The following VWA8 variants were observed in gnomAD, a reference collection of about 807,000 sequenced individuals.
VWA8 encodes the protein von Willebrand factor A domain containing 8.
Under a neutral mutation model 241.5 loss-of-function variants are expected in VWA8, and 221 were observed. The ratio of observed to expected loss-of-function variants is 0.91; its 90% CI spans 0.82 to 1.02. The LOEUF (loss-of-function observed/expected upper bound fraction) is 1.02, where lower values mean the gene tolerates loss of function less well. VWA8 is among the 50% of genes least tolerant of loss of function. The probability of loss-of-function intolerance (pLI) is 0.00; values close to 1 mark genes in which losing one functional copy is unlikely to be tolerated. For missense variants in VWA8, 2,322 were observed against 2,328.7 expected, an observed-to-expected ratio of 1.00 and a Z score of 0.06; for synonymous variants, 852 against 827.1, an observed-to-expected ratio of 1.03 and a Z score of -0.52.
At chr13:41,893,278 G>A (rs925055262) in intron 4 of VWA8, among the ~76,000 whole-genome samples, 1 of 152,066 alleles carries the variant, frequency 6.6e-6, no homozygotes, top group African/African-American at 2.4e-5. Flanking sequence ...CTGTATAGTA[G>A]AGCTTAGTTT....
At chr13:41,908,919 G>A (rs1017621958) in intron 3 of VWA8, among the ~76,000 whole-genome samples, 1 of 152,160 alleles carries the variant, frequency 6.6e-6, no homozygotes, top group African/African-American at 2.4e-5. Flanking sequence ...AAGGGATACT[G>A]CCATACAAGG....
In VWA8 at chr13:41,716,007, C is replaced by T. The variant is rs142851149; in HGVS notation, c.3116+3584G>A. Among the ~76,000 whole-genome samples the T allele has an allele frequency of 1.9e-3, 289 of 152,056 alleles. 11 individuals are homozygous for T. The East Asian group carries it at 0.045, about 24-fold the overall frequency. On this transcript the variant is annotated intron_variant, in intron 26 of 44. Transcript: ENST00000379310. ...TCATATTTTTAAAAATACTTTCTCC[C>T]GTATACTTCCTTATTTGGTTATGTT...
At chr13:41,775,481 T>A (rs9532921) in intron 20 of VWA8, among the ~76,000 whole-genome samples, 12,770 of 152,228 alleles carry the variant, frequency 0.084, 551 homozygotes, top group Middle Eastern at 0.11. Context: ...AATGAAAGTT[T>A]GTGCCAACCC....
At chr13:41,602,888 C>A (rs2044530333) in intron 40 of VWA8, among the ~76,000 whole-genome samples, 1 of 152,194 alleles carries the variant, frequency 6.6e-6, no homozygotes, top group South Asian at 2.1e-4. Flanking sequence ...TATTATAATG[C>A]TGGTATTGTT....
chr13:41,898,079 T>C lies in VWA8; in HGVS notation c.484-6492A>G, dbSNP rs189610697. Among the ~76,000 whole-genome samples, 66 of 152,206 alleles carry C rather than the reference T, an allele frequency of 4.3e-4. 1 individual carries two copies. The highest frequency in any genetic ancestry group is 2.3e-3 in the Admixed American group (35 of 15,296). On this transcript the variant is annotated intron_variant, in intron 4 of 44. Coordinates refer to ENST00000379310, the MANE Select transcript of VWA8 (RefSeq NM_015058.2). Reference sequence around the variant, plus strand: ...AGAATAGCTAGATACAGAGTGTCGATTGGTGCATTCACAAACCCTGAGCTA... The same window carrying C: ...AGAATAGCTAGATACAGAGTGTCGACTGGTGCATTCACAAACCCTGAGCTA...
intron 21 of VWA8, among the ~76,000 whole-genome samples, chr13:41,753,307 T>C (rs1179348841): frequency 6.6e-6 from 1 of 152,118 alleles, no homozygotes; most frequent in African/African-American, 2.4e-5. Context: ...GAAAAAAAAC[T>C]CTGGCAGTAT....
intron 17 of VWA8, among the ~76,000 whole-genome samples, chr13:41,808,346 G>A (rs941536114): frequency 6.6e-6 from 1 of 152,142 alleles, no homozygotes; most frequent in Non-Finnish European, 1.5e-5. Flanking sequence ...TGCTGTACAG[G>A]ACACATGACG....
intron 17 of VWA8, among the ~76,000 whole-genome samples, chr13:41,804,062 G>A (rs1225091563): frequency 6.6e-6 from 1 of 152,078 alleles, no homozygotes; most frequent in Non-Finnish European, 1.5e-5. Flanking sequence ...GCCTAAAAAG[G>A]GCAAATCTAA....
chr13:41,740,423 G>A (rs2137877404), intron 21 of VWA8, among the ~76,000 whole-genome samples: 1 of 152,292 alleles, frequency 6.6e-6, no homozygotes, highest in Non-Finnish European at 1.5e-5. Flanking sequence ...GCAGCAAGGA[G>A]CTGTTGTCCT....
chr13:41,724,252 A>G (rs1271396129), intron 24 of VWA8, among the ~76,000 whole-genome samples: 2 of 152,210 alleles, frequency 1.3e-5, no homozygotes, highest in Non-Finnish European at 2.9e-5. Context: ...ATGGTACAGA[A>G]GAAACGGAGA....
At chr13:41,621,102 G>A (rs2044654273) in intron 37 of VWA8, among the ~76,000 whole-genome samples, 1 of 152,160 alleles carries the variant, frequency 6.6e-6, no homozygotes, top group Non-Finnish European at 1.5e-5. Flanking sequence ...ACAATGGGAT[G>A]AAAGCAATAC....
Position 41,911,903 on chromosome 13 carries a change from C to G in VWA8, c.372+135G>C, listed in dbSNP as rs1593864122. Reference sequence around the variant, plus strand: ...TAACTTATGCCAAACACTTTATAAACAAATCACCCTTTGATGTCAGCATTT... The same window carrying G: ...TAACTTATGCCAAACACTTTATAAAGAAATCACCCTTTGATGTCAGCATTT... On this transcript the variant is annotated intron_variant, in intron 3 of 44. Coordinates refer to ENST00000379310, the MANE Select transcript of VWA8 (RefSeq NM_015058.2). The G allele has an allele frequency of 3.6e-6, 4 of 1,113,850 alleles. No homozygotes were observed. The East Asian group carries it at 1.2e-4, about 35-fold the overall frequency. 69.0% of individuals were successfully genotyped at this position (1,113,850 alleles called of 1,614,324 possible).
intron 42 of VWA8, among the ~76,000 whole-genome samples, chr13:41,584,613 A>T (rs1397534157): frequency 6.6e-6 from 1 of 152,230 alleles, no homozygotes; most frequent in Non-Finnish European, 1.5e-5. Flanking sequence ...ATGTAACTGT[A>T]GTGAATATGA....
At chr13:41,916,373 TCC>T (rs1176825500) in intron 2 of VWA8, among the ~76,000 whole-genome samples, 1 of 152,178 alleles carries the variant, frequency 6.6e-6, no homozygotes, top group Non-Finnish European at 1.5e-5. Context: ...TCAACAGGTG[TCC>T]AGCTTCAGGT....
intron 4 of VWA8, among the ~76,000 whole-genome samples, chr13:41,901,107 CAT>C (rs1491545496): frequency 1.5e-5 from 2 of 132,912 alleles, no homozygotes; most frequent in East Asian, 5.0e-4. Context: ...TCATGATCAT[CAT>C]TTTTTTTTTT....
intron 2 of VWA8, among the ~76,000 whole-genome samples, chr13:41,949,185 CTGTG>C (rs1285495823): frequency 6.6e-6 from 1 of 151,944 alleles, no homozygotes; most frequent in Non-Finnish European, 1.5e-5. Context: ...TACTTAAGAT[CTGTG>C]CATCTGTTCA....
intron 37 of VWA8, among the ~76,000 whole-genome samples, chr13:41,627,406 C>G (rs935878126): frequency 6.6e-6 from 1 of 152,128 alleles, no homozygotes; most frequent in Non-Finnish European, 1.5e-5. Context: ...CACCCTCCAC[C>G]GTTAACATAT....
rs1313868995 is a variant in VWA8, at chr13:41,581,227, CTCCT to C, written c.5272-5393_5272-5390del. On this transcript the variant is annotated intron_variant, in intron 42 of 44. Coordinates refer to ENST00000379310, the MANE Select transcript of VWA8 (RefSeq NM_015058.2). ...CCGTGTTACCCAGGATGGTCTCGAT[CTCCT>C]GACCTCGTGATCCGCCCGCCTCGGC... Among the ~76,000 whole-genome samples, 2 of 78,380 alleles carry C rather than the reference CTCCT, an allele frequency of 2.6e-5. 1 individual carries two copies. The highest frequency in any genetic ancestry group is 4.2e-5 in the Non-Finnish European group (2 of 47,374). 51.4% of individuals were successfully genotyped at this position (78,380 alleles called of 152,430 possible). A position where few individuals can be genotyped will look rare whatever the true frequency, so the allele number is the denominator to read the frequency against.
intron 21 of VWA8, among the ~76,000 whole-genome samples, chr13:41,759,010 C>T (rs1287633837): frequency 6.6e-6 from 1 of 151,332 alleles, no homozygotes; most frequent in African/African-American, 2.4e-5. Flanking sequence ...GATAAAACCT[C>T]CTTGGTTATG....
Sources: allele counts gnomAD v4.1 joint callset (sites outside exome capture counted in the v4.1 genomes callset), GRCh38; gene constraint gnomAD v4.1.1; transcripts MANE v1.5; gene names NCBI Gene and HGNC (gene_info 2026-07-23, HGNC 2026-07-21).